Variants in CEP97 observed in about 807,000 individuals in gnomAD.
The protein encoded by CEP97 is centrosomal protein of 97 kDa.
CEP97 carries 43 observed loss-of-function variants against 73.1 expected under a neutral mutation model. The ratio of observed to expected loss-of-function variants is 0.59; its 90% CI spans 0.46 to 0.76. CEP97 has a LOEUF of 0.76. Among genes scored for constraint, CEP97 ranks in the 30% least tolerant of loss-of-function variants. The pLI, the probability that CEP97 is intolerant of heterozygous loss-of-function variation, is 0.00. For missense variants in CEP97, 939 were observed against 1,014.0 expected (o/e 0.93, Z 1.00); for synonymous variants, 337 against 370.0 (o/e 0.91, Z 1.02).
chr3:101,747,292 C>T (rs1938650008), intron 6 of CEP97, among the ~76,000 whole-genome samples: 1 of 143,506 alleles, frequency 7.0e-6, no homozygotes, highest in Admixed American at 7.1e-5. Context: ...CGGAATCTCA[C>T]TCTGTCGCCC....
At chr3:101,747,416 C>T (rs1938656134) in intron 6 of CEP97, among the ~76,000 whole-genome samples, 1 of 151,296 alleles carries the variant, frequency 6.6e-6, no homozygotes. Context: ...CCTGCCACCA[C>T]GCCCGGCTAA....
At position 101,768,976 on chromosome 3, in the gene CEP97, A is replaced by G. The variant is rs1939389159; in HGVS notation, c.*3425A>G. On this transcript the variant is annotated 3_prime_UTR_variant, in exon 11 of 11. Coordinates refer to ENST00000341893, the MANE Select transcript of CEP97 (RefSeq NM_024548.4). ...TTTATTTAGTCATATAATCGTTTGT[A>G]TATATGTAAATAACTTTATTCTGGA... is the stretch of plus-strand genomic sequence containing the variant. 1 of 152,178 alleles carries G rather than the reference A, an allele frequency of 6.6e-6. No individual in the cohort carries two copies. Among genetic ancestry groups the G allele is most frequent in the African/African-American group, 2.4e-5 (1 of 41,434 alleles). The allele number at this position is 152,178 out of a possible 1,614,324, so 9.4% of individuals were successfully genotyped here. A position where few individuals can be genotyped will look rare whatever the true frequency, so the allele number is the denominator to read the frequency against.
chr3:101,757,753 C>T lies in CEP97; in HGVS notation c.1147C>T (p.His383Tyr). The T allele has an allele frequency of 6.2e-7, 1 of 1,614,258 alleles. No individual in the cohort carries two copies. The highest frequency in any genetic ancestry group is 1.3e-5 in the African/African-American group (1 of 75,072). Reference protein sequence around the residue: ...HTTRYSRNDLHLEDIQTDEDK... With the variant: ...HTTRYSRNDLYLEDIQTDEDK... ...TACGAGATATTCTCGAAATGATCTG[C>T]ACCTGGAAGACATACAGACGGATGA... Residue 383 changes from histidine (H) to tyrosine (Y), a missense_variant, in exon 9 of 11, where the codon CAC (histidine) becomes TAC (tyrosine). His to Tyr is a moderately conservative substitution (Grantham distance 83). Coordinates refer to ENST00000341893, the MANE Select transcript of CEP97 (RefSeq NM_024548.4).
At position 101,758,076 on chromosome 3, in the gene CEP97, C is replaced by G; in HGVS notation, c.1470C>G (p.Ile490Met). ...TACCTTGTCCTGAGCCAACAATAAT[C>G]AGTGCTATCTTGAAGGATGATAACC... Reference protein sequence around the residue: ...GLLPCPEPTIISAILKDDNHS... With the variant: ...GLLPCPEPTIMSAILKDDNHS... Residue 490 changes from isoleucine to methionine, a missense_variant, in exon 9 of 11, where the codon ATC becomes ATG. Physicochemically the swap from Ile to Met is conservative, Grantham distance 10 (BLOSUM62 1). Transcript: ENST00000341893. The G allele has an allele frequency of 6.2e-7, 1 of 1,614,200 alleles. No individual in the cohort carries two copies. Among genetic ancestry groups the G allele is most frequent in the Non-Finnish European group, 8.5e-7 (1 of 1,180,036 alleles).
At chr3:101,747,807 T>G (rs1938670860) in intron 6 of CEP97, among the ~76,000 whole-genome samples, 1 of 151,634 alleles carries the variant, frequency 6.6e-6, no homozygotes, top group African/African-American at 2.4e-5. Flanking sequence ...AAGAGTGGAA[T>G]CATAATGCAA....
chr3:101,725,334 C>T lies in CEP97; in HGVS notation c.43+615C>T, dbSNP rs1937843205. Among the ~76,000 whole-genome samples the T allele has an allele frequency of 3.9e-5, 6 of 152,268 alleles. No homozygotes were observed. The South Asian group carries it at 1.0e-3, about 26-fold the overall frequency. ...TGCTTCTGTGGCCTGAAGATACCTA[C>T]CTCTTTGGGGCGCCGGACGCGAGCT... On this transcript the variant is annotated intron_variant, in intron 1 of 10. Transcript: ENST00000341893.
At chr3:101,737,986 G>T (rs1938332279) in intron 6 of CEP97, among the ~76,000 whole-genome samples, 1 of 96,514 alleles carries the variant, frequency 1.0e-5, no homozygotes. Context: ...AGGGATGGAG[G>T]AATATTTACC....
At chr3:101,743,685 T>C (rs1323735364) in intron 6 of CEP97, among the ~76,000 whole-genome samples, 3 of 152,092 alleles carry the variant, frequency 2.0e-5, no homozygotes, top group Non-Finnish European at 4.4e-5. Context: ...TTTGAGCCAC[T>C]GCACCCAGCT....
At chr3:101,747,398 T>G (rs1938655069) in intron 6 of CEP97, among the ~76,000 whole-genome samples, 1 of 151,302 alleles carries the variant, frequency 6.6e-6, no homozygotes, top group Admixed American at 6.6e-5. Flanking sequence ...TAGCTGGGAC[T>G]ATAGGCGCCT....
At position 101,731,307 on chromosome 3, in the gene CEP97, C is replaced by T. The variant is rs895831979; in HGVS notation, c.448-533C>T. ...CCTCGACCTCCTGGGCTCAAGTGAT[C>T]CCCCTACCTCAGCCTCCCCAGTAGC... On this transcript the variant is annotated intron_variant, in intron 4 of 10. Transcript: ENST00000341893. 6.6e-5 allele frequency among the ~76,000 whole-genome samples: 10 copies of T among 150,962 alleles called. No individual in the cohort carries two copies. The South Asian group carries it at 1.7e-3, about 25-fold the overall frequency.
intron 10 of CEP97, chr3:101,762,985 T>A (rs1939211615): frequency 1.0e-6 from 1 of 958,576 alleles, no homozygotes; most frequent in Admixed American, 4.1e-5. Context: ...TTGAATCCTA[T>A]AATAGCACAC....
chr3:101,739,299 A>T (rs977503844), intron 6 of CEP97, among the ~76,000 whole-genome samples: 1 of 151,996 alleles, frequency 6.6e-6, no homozygotes, highest in Non-Finnish European at 1.5e-5. Flanking sequence ...AAAAAGAGGG[A>T]CTCCTCCCTA....
intron 6 of CEP97, among the ~76,000 whole-genome samples, chr3:101,751,856 C>CT (rs1175656359): frequency 6.6e-6 from 1 of 152,082 alleles, no homozygotes; most frequent in Non-Finnish European, 1.5e-5. Context: ...TGGGTCTTGA[C>CT]TTTTTATCCA....
chr3:101,732,471 GAT>G lies in CEP97; in HGVS notation c.562-14_562-13del, dbSNP rs1261459246. On this transcript the variant is annotated splice_polypyrimidine_tract_variant and intron_variant, in intron 5 of 10. Coordinates refer to ENST00000341893, the MANE Select transcript of CEP97 (RefSeq NM_024548.4). ...CTGAATAGTCCTTTTGTTCAACAAA[GAT>G]ATCTTTTGTTCCAGATCTCTTTTTT... The G allele has an allele frequency of 1.9e-6, 3 of 1,584,030 alleles. No homozygotes were observed. The highest frequency in any genetic ancestry group is 2.6e-6 in the Non-Finnish European group (3 of 1,157,180).
intron 6 of CEP97, among the ~76,000 whole-genome samples, chr3:101,748,560 A>T (rs576652396): frequency 6.6e-6 from 1 of 152,298 alleles, no homozygotes; most frequent in African/African-American, 2.4e-5. Flanking sequence ...GTTTGGCAGG[A>T]GAATGTATGC....
Position 101,765,441 on chromosome 3 carries a change from G to A in CEP97, c.2488G>A (p.Gly830Ser). Residue 830 changes from glycine to serine, a missense_variant, in exon 11 of 11, where the codon GGT (glycine) becomes AGT (serine). Gly to Ser is a moderately conservative substitution (Grantham distance 56). Coordinates refer to ENST00000341893, the MANE Select transcript of CEP97 (RefSeq NM_024548.4). ...TCATGGCATATCTCCTCCTTTGCAA[G>A]GTGAAATTAGCCAGACACAAGAGAA... is the stretch of plus-strand genomic sequence containing the variant. The part of the protein sequence containing the change: ...ESHGISPPLQ[G>S]EISQTQENSK... 1 of 1,614,100 alleles carries A rather than the reference G, an allele frequency of 6.2e-7. No individual in the cohort carries two copies. Among genetic ancestry groups the A allele is most frequent in the Non-Finnish European group, 8.5e-7 (1 of 1,180,008 alleles).
At chr3:101,761,121 C>T (rs975213001) in intron 9 of CEP97, among the ~76,000 whole-genome samples, 42 of 152,070 alleles carry the variant, frequency 2.8e-4, no homozygotes, top group African/African-American at 9.4e-4. Context: ...CCTGCCTGGG[C>T]CTCCCAAAGT....
At chr3:101,737,989 T>C (rs1938332393) in intron 6 of CEP97, among the ~76,000 whole-genome samples, 1 of 106,614 alleles carries the variant, frequency 9.4e-6, no homozygotes. Context: ...GATGGAGGAA[T>C]ATTTACCAAA....
At chr3:101,724,844 C>A in intron 1 of CEP97, 125 bp downstream of exon 1, 1 of 1,005,518 alleles carries the variant, frequency 9.9e-7, no homozygotes, top group South Asian at 1.4e-5. Flanking sequence ...GATCTGTGGT[C>A]GTCGCGGAGG....
Sources: allele counts gnomAD v4.1 joint callset (sites outside exome capture counted in the v4.1 genomes callset), GRCh38; gene constraint gnomAD v4.1.1; transcripts MANE v1.5; gene names NCBI Gene and HGNC (gene_info 2026-07-23, HGNC 2026-07-21).